The following ERP29 variants were observed in gnomAD, a reference collection of about 807,000 sequenced individuals.
ERP29 encodes the protein endoplasmic reticulum resident protein 29.
ERP29 carries 14 observed loss-of-function variants against 21.7 expected under a neutral mutation model. The observed-to-expected ratio is 0.64, with a 90% confidence interval of 0.43 to 1.01. The LOEUF (loss-of-function observed/expected upper bound fraction) is 1.01. Among genes scored for constraint, ERP29 ranks in the 50% least tolerant of loss-of-function variants. ERP29 has a pLI of 0.00. For synonymous variants in ERP29, 129 were observed against 139.1 expected (o/e 0.93, Z 0.51); for missense variants, 286 against 327.3 (o/e 0.87, Z 0.97).
intron 1 of ERP29, among the ~76,000 whole-genome samples, chr12:112,016,350 TTTG>T (rs1033499901): frequency 5.3e-5 from 8 of 152,228 alleles, no homozygotes; most frequent in Non-Finnish European, 1.0e-4. Flanking sequence ...CAGTATCTTT[TTTG>T]TTGTTGTTTC....
chr12:112,021,627 G>A (rs188956180), intron 2 of ERP29, among the ~76,000 whole-genome samples: 19 of 146,954 alleles, frequency 1.3e-4, no homozygotes, highest in Admixed American at 2.8e-4. Context: ...GGGTTCAAGC[G>A]ATTCTTCTGC....
intron 1 of ERP29, 112 bp downstream of exon 1, chr12:112,013,721 C>A (rs1565986266): frequency 8.2e-7 from 1 of 1,214,398 alleles, no homozygotes; most frequent in East Asian, 2.7e-5. Flanking sequence ...TCTGTAGCAA[C>A]GGTCCCAGAG....
At chr12:112,018,827 A>G (rs759490098) in intron 1 of ERP29, 1 of 152,280 alleles carries the variant, frequency 6.6e-6, no homozygotes, top group Non-Finnish European at 1.5e-5. Flanking sequence ...TTATTTGGCC[A>G]TAAAAAGTAA....
At chr12:112,020,939 G>A (rs1303878902) in intron 2 of ERP29, among the ~76,000 whole-genome samples, 1 of 152,118 alleles carries the variant, frequency 6.6e-6, no homozygotes, top group Admixed American at 6.5e-5. Context: ...AACTAGGTTT[G>A]GAACCCTAGG....
rs1196346207 is a variant in ERP29, at chr12:112,019,882, G to T, written c.271G>T (p.Val91Leu). The change falls in exon 2 of 3, where the codon GTG becomes TTG. Residue 91 changes from valine (V) to leucine (L), a missense_variant. Transcript: ENST00000261735. ...ASSDDLLVAE[V>L]GISDYGDKLN... is the part of the protein sequence containing the mutation. ...CAGCGATGATCTCTTGGTGGCAGAG[G>T]TGGGGATCTCAGGTATGGACAAGTC... 1.2e-6 allele frequency: 2 copies of T among 1,614,036 alleles called. No homozygotes were observed. Among genetic ancestry groups the T allele is most frequent in the Non-Finnish European group, 1.7e-6 (2 of 1,180,032 alleles).
chr12:112,013,583 C>A lies in ERP29; in HGVS notation c.118C>A (p.Pro40Thr), dbSNP rs1003499004. Reference protein sequence around the residue: ...GSGLHTKGALPLDTVTFYKVI... With the variant: ...GSGLHTKGALTLDTVTFYKVI... ...CGGCCTGCACACCAAGGGCGCCCTTCCCCTGGATACGGTCACTTTCTACAA... is the reference window on the plus strand; with the variant it reads ...CGGCCTGCACACCAAGGGCGCCCTTACCCTGGATACGGTCACTTTCTACAA... Residue 40 changes from proline to threonine, a missense_variant, in exon 1 of 3, where the codon CCC (proline) becomes ACC (threonine). Transcript: ENST00000261735. The A allele has an allele frequency of 1.2e-6, 2 of 1,604,974 alleles. No homozygotes were observed. Among genetic ancestry groups the A allele is most frequent in the South Asian group, 1.1e-5 (1 of 90,474 alleles).
At position 112,016,025 on chromosome 12, in the gene ERP29, C is replaced by T. The variant is rs139140160; in HGVS notation, c.144+2416C>T. ...TCCCCCCAGTCTAAAGTGCCAGTCACATTAATCTGTTTTATTTCTCCATAC... is the reference window on the plus strand; with the variant it reads ...TCCCCCCAGTCTAAAGTGCCAGTCATATTAATCTGTTTTATTTCTCCATAC... On this transcript the variant is annotated intron_variant, in intron 1 of 2. Coordinates refer to ENST00000261735, the MANE Select transcript of ERP29 (RefSeq NM_006817.4). 2.0e-5 allele frequency among the ~76,000 whole-genome samples: 3 copies of T among 152,318 alleles called. No homozygotes were observed. In the East Asian group the frequency reaches 5.8e-4, roughly 29 times the overall value.
intron 2 of ERP29, among the ~76,000 whole-genome samples, chr12:112,020,939 G>C (rs1303878902): frequency 6.6e-6 from 1 of 152,118 alleles, no homozygotes; most frequent in Non-Finnish European, 1.5e-5. Flanking sequence ...AACTAGGTTT[G>C]GAACCCTAGG....
At chr12:112,013,637 A>G (rs1352022993) in intron 1 of ERP29, 28 bp downstream of exon 1, 12 of 1,514,514 alleles carry the variant, frequency 7.9e-6, no homozygotes, top group Admixed American at 2.4e-5. Flanking sequence ...CGTCGCGCGC[A>G]GGTGCCGCCG....
chr12:112,022,581 G>C lies in ERP29; in HGVS notation c.715G>C (p.Glu239Gln). 1 of 1,614,168 alleles carries C rather than the reference G, an allele frequency of 6.2e-7. No homozygotes were observed. Among genetic ancestry groups the C allele is most frequent in the Non-Finnish European group, 8.5e-7 (1 of 1,180,012 alleles). Residue 239 changes from glutamate (E) to glutamine (Q), a missense_variant, in exon 3 of 3, where the codon GAG becomes CAG. Coordinates refer to ENST00000261735, the MANE Select transcript of ERP29 (RefSeq NM_006817.4). ...GAACAAGATGAGTGACGGGAAGAAG[G>C]AGGAGCTCCAGAAGAGCTTAAACAT... ...EKNKMSDGKKEELQKSLNILT... is the reference protein window; with the variant it reads ...EKNKMSDGKKQELQKSLNILT...
At chr12:112,013,685 G>A in intron 1 of ERP29, 76 bp downstream of exon 1, 1 of 1,428,808 alleles carries the variant, frequency 7.0e-7, no homozygotes. Flanking sequence ...GGGAGACGCT[G>A]GATTCCGGGA....
At position 112,013,494 on chromosome 12, in the gene ERP29, T is replaced by A. The variant is rs553491906; in HGVS notation, c.29T>A (p.Phe10Tyr). 4.3e-6 allele frequency: 7 copies of A among 1,612,562 alleles called. No homozygotes were observed. The South Asian group carries it at 7.7e-5, about 18-fold the overall frequency. Reference protein sequence around the residue: MAAAVPRAAFLSPLLPLLLG... With the variant: MAAAVPRAAYLSPLLPLLLG... ...GCTGCCGCTGTGCCCCGCGCCGCATTTCTCTCCCCGCTGCTTCCCCTTCTC... is the reference window on the plus strand; with the variant it reads ...GCTGCCGCTGTGCCCCGCGCCGCATATCTCTCCCCGCTGCTTCCCCTTCTC... The change falls in exon 1 of 3, where the codon TTT becomes TAT. Residue 10 changes from phenylalanine to tyrosine, a missense_variant. Physicochemically the swap from Phe to Tyr is conservative, Grantham distance 22. Transcript: ENST00000261735.
At position 112,022,462 on chromosome 12, in the gene ERP29, C is replaced by G. The variant is rs1196097238; in HGVS notation, c.596C>G (p.Ala199Gly). ...GTGAAGGAGACTCAGAAGAAGTGGG[C>G]CGAGCAATACCTGAAGATCATGGGG... ...SSVKETQKKW[A>G]EQYLKIMGKI... Residue 199 changes from alanine (A) to glycine (G), a missense_variant, in exon 3 of 3, where the codon GCC becomes GGC. By Grantham distance (60) the Ala-to-Gly change is moderately conservative. Transcript: ENST00000261735. 1.9e-6 allele frequency: 3 copies of G among 1,613,948 alleles called. No individual in the cohort carries two copies. Among genetic ancestry groups the G allele is most frequent in the Admixed American group, 1.7e-5 (1 of 59,996 alleles).
chr12:112,021,911 G>A (rs187767415), intron 2 of ERP29, among the ~76,000 whole-genome samples: 375 of 152,266 alleles, frequency 2.5e-3, no homozygotes, highest in African/African-American at 7.7e-3. Context: ...ATATTCAGAA[G>A]AATCTCCATT....
chr12:112,022,205 G>A lies in ERP29; in HGVS notation c.339G>A (p.Glu113=). 1 of 1,614,172 alleles carries A rather than the reference G, an allele frequency of 6.2e-7. No homozygotes were observed. The highest frequency in any genetic ancestry group is 1.1e-5 in the South Asian group (1 of 91,086). The part of the protein sequence containing the change: ...ELSEKYKLDK[E]SYPVFYLFRD... ...GTGAGAAATACAAGCTGGACAAAGA[G>A]AGCTACCCAGTCTTCTACCTCTTCC... The change falls in exon 3 of 3, where the codon GAG becomes GAA. Residue 113 remains glutamate (E), a synonymous_variant. Transcript: ENST00000261735.
chr12:112,020,450 G>A (rs2078039047), intron 2 of ERP29, among the ~76,000 whole-genome samples: 1 of 152,086 alleles, frequency 6.6e-6, no homozygotes, highest in Non-Finnish European at 1.5e-5. Context: ...TGAGAAGCAA[G>A]ATGTATTATC....
rs1029857858 is a variant in ERP29, at chr12:112,023,102, A to T, written c.*450A>T. 1.3e-5 allele frequency: 2 copies of T among 156,988 alleles called. No individual in the cohort carries two copies. The highest frequency in any genetic ancestry group is 1.9e-4 in the South Asian group (1 of 5,170). 9.7% of individuals were successfully genotyped at this position (156,988 alleles called of 1,614,324 possible). On this transcript the variant is annotated 3_prime_UTR_variant, in exon 3 of 3. Transcript: ENST00000261735. Reference sequence around the variant, plus strand: ...TTTCCCAGGGTAACAAACTATCCTCATAACACTGTGGAAACTGGCATACCT... The same window carrying T: ...TTTCCCAGGGTAACAAACTATCCTCTTAACACTGTGGAAACTGGCATACCT...
intron 1 of ERP29, among the ~76,000 whole-genome samples, chr12:112,018,136 T>G (rs918701165): frequency 5.3e-5 from 8 of 151,046 alleles, no homozygotes; most frequent in African/African-American, 2.0e-4. Context: ...TTGACATAAT[T>G]TTTTTTTTCT....
intron 1 of ERP29, among the ~76,000 whole-genome samples, chr12:112,013,987 C>T (rs1410514359): frequency 1.3e-5 from 2 of 152,338 alleles, no homozygotes; most frequent in Admixed American, 6.5e-5. Flanking sequence ...CCACCGGGCT[C>T]CCGGCTGTGG....
Sources: allele counts gnomAD v4.1 joint callset (sites outside exome capture counted in the v4.1 genomes callset), GRCh38; gene constraint gnomAD v4.1.1; transcripts MANE v1.5; gene names NCBI Gene and HGNC (gene_info 2026-07-23, HGNC 2026-07-21).